The following BRAF variants were observed in gnomAD, a reference collection of about 807,000 sequenced individuals.
The protein encoded by BRAF is B-Raf proto-oncogene, serine/threonine kinase.
In BRAF, 16 loss-of-function variants were observed where a neutral mutation model predicts 104.6. The observed-to-expected ratio is 0.15, with a 90% CI of 0.10 to 0.23. BRAF has a LOEUF of 0.23. Ranked by LOEUF, BRAF falls within the 10% of genes least tolerant of loss-of-function variation. The pLI, the probability that BRAF is intolerant of heterozygous loss-of-function variation, is 1.00. For synonymous variants in BRAF, 310 were observed against 341.6 expected (o/e 0.91, Z 1.02); for missense variants, 541 against 937.3 (o/e 0.58, Z 5.52).
At chr7:140,822,952 A>G (rs1024687385) in intron 3 of BRAF, among the ~76,000 whole-genome samples, 9 of 152,108 alleles carry the variant, frequency 5.9e-5, no homozygotes, top group African/African-American at 1.9e-4. Context: ...CCTCTCAGGT[A>G]GCTAGGACTA....
intron 3 of BRAF, among the ~76,000 whole-genome samples, chr7:140,812,051 T>C (rs1034714648): frequency 3.9e-5 from 6 of 152,212 alleles, no homozygotes; most frequent in South Asian, 2.1e-4. Flanking sequence ...TATGTTACCA[T>C]AGAAATCTTT....
At chr7:140,911,993 G>A (rs1269851217) in intron 1 of BRAF, among the ~76,000 whole-genome samples, 3 of 152,124 alleles carry the variant, frequency 2.0e-5, no homozygotes, top group East Asian at 1.9e-4. Context: ...ATGCTGTCTA[G>A]ACAACTCATA....
At chr7:140,881,286 T>A (rs1812876359) in intron 1 of BRAF, among the ~76,000 whole-genome samples, 1 of 152,192 alleles carries the variant, frequency 6.6e-6, no homozygotes, top group African/African-American at 2.4e-5. Flanking sequence ...TGCATTAGCC[T>A]CTAGTAAGAG....
chr7:140,765,193 T>C (rs1312413211), intron 14 of BRAF, among the ~76,000 whole-genome samples: 2 of 152,162 alleles, frequency 1.3e-5, no homozygotes, highest in Non-Finnish European at 2.9e-5. Context: ...AAACAAGCAA[T>C]GGGGAAAGGA....
chr7:140,889,374 C>G (rs554146732), intron 1 of BRAF, among the ~76,000 whole-genome samples: 20 of 152,256 alleles, frequency 1.3e-4, no homozygotes, highest in African/African-American at 4.8e-4. Flanking sequence ...TTTAAACTCA[C>G]TTCATTTTTA....
At chr7:140,875,820 T>C (rs1322318872) in intron 1 of BRAF, among the ~76,000 whole-genome samples, 2 of 152,204 alleles carry the variant, frequency 1.3e-5, no homozygotes, top group African/African-American at 4.8e-5. Flanking sequence ...AAAAAAACTA[T>C]CAAAGGTAGA....
At position 140,723,045 on chromosome 7, in the gene BRAF, A is replaced by G. The variant is rs1795395412; in HGVS notation, c.*3449T>C. 6.6e-5 allele frequency: 69 copies of G among 1,051,694 alleles called. No individual in the cohort carries two copies. Among genetic ancestry groups the G allele is most frequent in the Non-Finnish European group, 7.5e-5 (65 of 870,842 alleles). 65.1% of individuals were successfully genotyped at this position (1,051,694 alleles called of 1,614,324 possible). A position where few individuals can be genotyped will look rare whatever the true frequency, so the allele number is the denominator to read the frequency against. On this transcript the variant is annotated 3_prime_UTR_variant, in exon 20 of 20. Coordinates refer to ENST00000644969, the MANE Select transcript of BRAF (RefSeq NM_001374258.1). Reference sequence around the variant, plus strand: ...GAGCTCCTGACTTTTCATATTTTAAAATAAATAACTATTCATTACCTCATT... The same window carrying G: ...GAGCTCCTGACTTTTCATATTTTAAGATAAATAACTATTCATTACCTCATT...
intron 14 of BRAF, among the ~76,000 whole-genome samples, chr7:140,766,696 A>G (rs1799361957): frequency 6.6e-6 from 1 of 151,900 alleles, no homozygotes; most frequent in African/African-American, 2.4e-5. Flanking sequence ...GACCACAGAC[A>G]TACACCACCA....
chr7:140,879,734 CTTT>C (rs111477938), intron 1 of BRAF, among the ~76,000 whole-genome samples: 1 of 141,696 alleles, frequency 7.1e-6, no homozygotes, highest in Non-Finnish European at 1.5e-5. Context: ...CAATTTCTTT[CTTT>C]TTTTTTTTTT....
intron 1 of BRAF, among the ~76,000 whole-genome samples, chr7:140,892,267 AT>A (rs1346738447): frequency 2.0e-5 from 3 of 152,128 alleles, no homozygotes; most frequent in African/African-American, 7.2e-5. Flanking sequence ...AAAAAAAAAA[AT>A]AAATCAACAA....
At chr7:140,745,394 GT>G (rs1406406195) in intron 17 of BRAF, among the ~76,000 whole-genome samples, 1 of 152,178 alleles carries the variant, frequency 6.6e-6, no homozygotes, top group Non-Finnish European at 1.5e-5. Context: ...AATTTAGTTA[GT>G]GCAGAGCAGA....
chr7:140,824,794 T>G (rs535278775), intron 3 of BRAF, among the ~76,000 whole-genome samples: 1 of 152,246 alleles, frequency 6.6e-6, no homozygotes, highest in East Asian at 1.9e-4. Flanking sequence ...CCACTAATAC[T>G]TGGTATGGTC....
intron 3 of BRAF, among the ~76,000 whole-genome samples, chr7:140,823,331 C>T (rs1805677045): frequency 6.6e-6 from 1 of 152,098 alleles, no homozygotes; most frequent in Non-Finnish European, 1.5e-5. Flanking sequence ...GCACCCCTTC[C>T]CCCAGCCCCT....
chr7:140,907,359 T>C (rs1010645589), intron 1 of BRAF, among the ~76,000 whole-genome samples: 4 of 151,922 alleles, frequency 2.6e-5, no homozygotes, highest in Non-Finnish European at 5.9e-5. Context: ...CCTCCCAGTT[T>C]CACGCCATTC....
At position 140,754,082 on chromosome 7, in the gene BRAF, T is replaced by C. The variant is rs931118397; in HGVS notation, c.1861+105A>G. ...TCCTTTATTAATTCTCTTTACAGTA[T>C]ATCGAACTTAGCATGAAAACTGTTT... On this transcript the variant is annotated intron_variant, in intron 15 of 19. Transcript: ENST00000644969. The C allele has an allele frequency of 1.1e-4, 129 of 1,156,952 alleles. No individual in the cohort carries two copies. The East Asian group carries it at 2.9e-3, about 26-fold the overall frequency. The allele number at this position is 1,156,952 out of a possible 1,614,324, so 71.7% of individuals were successfully genotyped here. A position where few individuals can be genotyped will look rare whatever the true frequency, so the allele number is the denominator to read the frequency against.
At chr7:140,884,429 ATGTGTGTGTGTGTGTGTGTGTGTGTGTG>A (rs71170770) in intron 1 of BRAF, among the ~76,000 whole-genome samples, 2 of 127,462 alleles carry the variant, frequency 1.6e-5, no homozygotes, top group African/African-American at 2.9e-5. Context: ...TATATAAGAT[ATGTGTGTGTGTGTGTGTGTGTGTGTGTG>A]TGTGTGTGTG....
intron 14 of BRAF, among the ~76,000 whole-genome samples, chr7:140,766,228 G>A (rs1420019342): frequency 6.6e-6 from 1 of 151,906 alleles, no homozygotes; most frequent in Non-Finnish European, 1.5e-5. Flanking sequence ...CTCATAGATG[G>A]GAATTGAACA....
At chr7:140,828,057 G>A (rs188163705) in intron 3 of BRAF, among the ~76,000 whole-genome samples, 5 of 151,940 alleles carry the variant, frequency 3.3e-5, no homozygotes, top group East Asian at 3.9e-4. Flanking sequence ...CACCACACCC[G>A]GCCAATTTTG....
In BRAF at chr7:140,879,793, G is replaced by A. The variant is rs563162730; in HGVS notation, c.139-29581C>T. On this transcript the variant is annotated intron_variant, in intron 1 of 19. Transcript: ENST00000644969. ...TCGCCCAGGGTGGGAGTACAGTGGC[G>A]TGATTTTGGCTCACTGCAACCTCTG... Among the ~76,000 whole-genome samples, 13 of 150,838 alleles carry A rather than the reference G, an allele frequency of 8.6e-5. No individual in the cohort carries two copies. The South Asian group carries it at 2.5e-3, about 29-fold the overall frequency.
Sources: gnomAD v4.1 joint callset for allele counts (sites outside exome capture counted in the v4.1 genomes callset) on GRCh38, gnomAD v4.1.1 for gene constraint, MANE v1.5 for transcripts, NCBI Gene and HGNC (gene_info 2026-07-23, HGNC 2026-07-21) for gene names.